Variants in OPA3 observed in about 807,000 individuals in gnomAD.
OPA3 encodes the protein outer mitochondrial membrane lipid metabolism regulator OPA3, also known as optic atrophy 3 protein.
OPA3 carries 6 observed loss-of-function variants against 4.0 expected under a neutral mutation model. That is an observed-to-expected ratio of 1.51 (90% CI 0.83 to 2.99). The LOEUF (loss-of-function observed/expected upper bound fraction) is 2.99. Ranked by LOEUF, OPA3 falls within the 30% of genes most tolerant of loss-of-function variation. The pLI is 0.00. For missense variants in OPA3, 235 were observed against 256.2 expected, an observed-to-expected ratio of 0.92 and a Z score of 0.56; for synonymous variants, 105 against 117.1, an observed-to-expected ratio of 0.90 and a Z score of 0.67.
chr19:45,558,028 T>C (rs1004553452), intron 1 of OPA3, among the ~76,000 whole-genome samples: 6 of 152,088 alleles, frequency 3.9e-5, no homozygotes, highest in South Asian at 2.1e-4. Context: ...TCAGAAGGAA[T>C]TGGTGAGAAG....
At position 45,529,085 on chromosome 19, in the gene OPA3, G is replaced by A. The variant is rs201023208; in HGVS notation, c.514C>T (p.Pro172Ser). Residue 172 changes from proline to serine, a missense_variant, in exon 2 of 2, where the codon CCC (proline) becomes TCC (serine). Transcript: ENST00000323060. Reference sequence around the variant, plus strand: ...TTCTCGGACGCCGGCGCAACTGGGGGTGCAGGCGGCGGGTCTCGGAGGCAG... The same window carrying A: ...TTCTCGGACGCCGGCGCAACTGGGGATGCAGGCGGCGGGTCTCGGAGGCAG... The A allele has an allele frequency of 2.9e-4, 470 of 1,600,566 alleles. No homozygotes were observed. The highest frequency in any genetic ancestry group is 3.9e-4 in the Non-Finnish European group (453 of 1,172,198).
chr19:45,564,339 G>A (rs1223123336), intron 1 of OPA3, among the ~76,000 whole-genome samples: 2 of 152,128 alleles, frequency 1.3e-5, no homozygotes, highest in Admixed American at 6.6e-5. Context: ...GGGAAAGGGC[G>A]GTGACAAGAA....
chr19:45,559,458 G>A (rs1969473244), intron 1 of OPA3, among the ~76,000 whole-genome samples: 1 of 113,350 alleles, frequency 8.8e-6, no homozygotes, highest in Non-Finnish European at 1.6e-5. Flanking sequence ...GTGGACTGTA[G>A]TGGCACAATC....
intron 1 of OPA3, among the ~76,000 whole-genome samples, chr19:45,572,814 T>G (rs986402706): frequency 1.4e-5 from 2 of 143,786 alleles, no homozygotes; most frequent in African/African-American, 2.5e-5. Context: ...ACTATATATA[T>G]AGATATATAT....
At chr19:45,535,933 A>C (rs1416458923) in intron 1 of OPA3, among the ~76,000 whole-genome samples, 1 of 151,576 alleles carries the variant, frequency 6.6e-6, no homozygotes, top group Non-Finnish European at 1.5e-5. Flanking sequence ...CCCTGCTAGA[A>C]ACTGGTTTTC....
chr19:45,557,256 G>T (rs948568900), intron 1 of OPA3, among the ~76,000 whole-genome samples: 1 of 151,992 alleles, frequency 6.6e-6, no homozygotes, highest in African/African-American at 2.4e-5. Context: ...TCAAGAGGGT[G>T]TGTGTGTGTG....
intron 1 of OPA3, among the ~76,000 whole-genome samples, chr19:45,558,051 T>C (rs1286742757): frequency 4.6e-5 from 7 of 152,204 alleles, no homozygotes; most frequent in Admixed American, 6.6e-5. Context: ...AAGAACAAAC[T>C]GGCTGGGCGC....
At chr19:45,583,403 C>T (rs1459925774) in intron 1 of OPA3, among the ~76,000 whole-genome samples, 1 of 152,176 alleles carries the variant, frequency 6.6e-6, no homozygotes, top group South Asian at 2.1e-4. Flanking sequence ...CTGCCCACCT[C>T]GGCCTCCCAA....
Position 45,553,758 on chromosome 19 carries a change from A to G in OPA3, c.296T>C (p.Leu99Pro), listed in dbSNP as rs1555732924. ...CTGCGCCTGGTGGCGCCAGTACTCCAGCACTAGGCAGCCGCCGCCCACGAT... is the reference window on the plus strand; with the variant it reads ...CTGCGCCTGGTGGCGCCAGTACTCCGGCACTAGGCAGCCGCCGCCCACGAT... ...IFIVGGGCLVLEYWRHQAQQR... is the reference protein window; with the variant it reads ...IFIVGGGCLVPEYWRHQAQQR... Residue 99 changes from leucine to proline, a missense_variant, in exon 2 of 2, where the codon CTG (leucine) becomes CCG (proline). Coordinates refer to ENST00000263275, the MANE Select transcript of OPA3 (RefSeq NM_025136.4). 1 of 1,612,432 alleles carries G rather than the reference A, an allele frequency of 6.2e-7. No homozygotes were observed. Among genetic ancestry groups the G allele is most frequent in the Non-Finnish European group, 8.5e-7 (1 of 1,179,790 alleles).
At chr19:45,570,856 C>G (rs1969652352) in intron 1 of OPA3, among the ~76,000 whole-genome samples, 1 of 142,394 alleles carries the variant, frequency 7.0e-6, no homozygotes, top group Admixed American at 7.1e-5. Context: ...GAGTGAGACT[C>G]TGTCTCAAAA....
In OPA3 at chr19:45,549,010, G is replaced by C; in HGVS notation, c.*4504C>G. ...AGTAGAGACGAGGTTTCACCATGTT[G>C]ATCAGGTTGGTCTTGAACTCCTGAC... is the stretch of plus-strand genomic sequence containing the variant. On this transcript the variant is annotated 3_prime_UTR_variant, in exon 2 of 2. Coordinates refer to ENST00000263275, the MANE Select transcript of OPA3 (RefSeq NM_025136.4). 2.1e-6 allele frequency: 1 copy of C among 479,862 alleles called. No homozygotes were observed. Among genetic ancestry groups the C allele is most frequent in the Non-Finnish European group, 2.7e-6 (1 of 368,396 alleles). The allele number at this position is 479,862 out of a possible 1,614,324, so 29.7% of individuals were successfully genotyped here. A position where few individuals can be genotyped will look rare whatever the true frequency, so the allele number is the denominator to read the frequency against.
chr19:45,570,979 G>GGT (rs752024258), intron 1 of OPA3, among the ~76,000 whole-genome samples: 1 of 15,230 alleles, frequency 6.6e-5, no homozygotes, highest in Non-Finnish European at 1.2e-4. Flanking sequence ...AAAACTATTT[G>GGT]GGGGGGGGGG....
At position 45,549,747 on chromosome 19, in the gene OPA3, T is replaced by C. The variant is rs1969304409; in HGVS notation, c.*3767A>G. The C allele has an allele frequency of 2.1e-5, 21 of 985,098 alleles. No individual in the cohort carries two copies. Among genetic ancestry groups the C allele is most frequent in the Non-Finnish European group, 2.5e-5 (21 of 829,810 alleles). The allele number at this position is 985,098 out of a possible 1,614,324, so 61.0% of individuals were successfully genotyped here. On this transcript the variant is annotated 3_prime_UTR_variant, in exon 2 of 2. Coordinates refer to ENST00000263275, the MANE Select transcript of OPA3 (RefSeq NM_025136.4). ...AGTCCACCTTGGCCTCTCAAAGTGC[T>C]GGGATGACAGGCGTGAGCTGGCCTG... is the stretch of plus-strand genomic sequence containing the variant.
At chr19:45,540,823 A>G (rs1969177986) in intron 1 of OPA3, among the ~76,000 whole-genome samples, 1 of 151,982 alleles carries the variant, frequency 6.6e-6, no homozygotes, top group South Asian at 2.1e-4. Flanking sequence ...CAAGCAAAAA[A>G]GCCAGAACAC....
intron 1 of OPA3, among the ~76,000 whole-genome samples, chr19:45,584,178 C>T (rs1225285779): frequency 6.6e-6 from 1 of 152,086 alleles, no homozygotes; most frequent in East Asian, 1.9e-4. Flanking sequence ...GGAGGATATA[C>T]AAGCACCTCC....
At chr19:45,583,294 G>A (rs993988209) in intron 1 of OPA3, among the ~76,000 whole-genome samples, 2 of 151,996 alleles carry the variant, frequency 1.3e-5, no homozygotes, top group Non-Finnish European at 2.9e-5. Context: ...GGGACCACAG[G>A]CGCCCAGCCA....
rs34377614 is a variant in OPA3, at chr19:45,536,548, CA to C, written c.143-7093del. ...TGGCGACAAGAGTGAAACTCTGTCT[CA>C]AAAAAAAAAAAAAAAGTGTATGGAA... On this transcript the variant is annotated intron_variant, in intron 1 of 1. Transcript: ENST00000323060. Among the ~76,000 whole-genome samples the C allele has an allele frequency of 8.6e-3, 829 of 96,406 alleles. 3 individuals carry two copies. The highest frequency in any genetic ancestry group is 0.023 in the African/African-American group (638 of 28,182). The allele number at this position is 96,406 out of a possible 152,430, so 63.2% of individuals were successfully genotyped here.
At chr19:45,557,565 G>A (rs1029623655) in intron 1 of OPA3, among the ~76,000 whole-genome samples, 10 of 152,162 alleles carry the variant, frequency 6.6e-5, no homozygotes, top group Admixed American at 2.0e-4. Context: ...GGCTAGAGAC[G>A]GGGGCCTCAG....
intron 1 of OPA3, among the ~76,000 whole-genome samples, chr19:45,568,684 G>T (rs1484594362): frequency 6.6e-6 from 1 of 152,078 alleles, no homozygotes; most frequent in Non-Finnish European, 1.5e-5. Flanking sequence ...CATCCTGGGG[G>T]ATCCTATCTC....
Sources: gnomAD v4.1 joint callset for allele counts (sites outside exome capture counted in the v4.1 genomes callset) on GRCh38, gnomAD v4.1.1 for gene constraint, MANE v1.5 for transcripts, NCBI Gene and HGNC (gene_info 2026-07-23, HGNC 2026-07-21) for gene names.